ALDH1A2: variants seen among roughly 807,000 people sequenced by gnomAD.
ALDH1A2 encodes retinal dehydrogenase 2.
Under a neutral mutation model 60.3 loss-of-function variants are expected in ALDH1A2, and 27 were observed. The observed-to-expected ratio is 0.45, with a 90% CI of 0.33 to 0.62. The LOEUF (loss-of-function observed/expected upper bound fraction) is 0.62. Among genes scored for constraint, ALDH1A2 ranks in the 20% least tolerant of loss-of-function variants. The pLI, the probability that ALDH1A2 is intolerant of heterozygous loss-of-function variation, is 0.02. For missense variants in ALDH1A2, 581 were observed against 643.8 expected, an observed-to-expected ratio of 0.90 and a Z score of 1.06; for synonymous variants, 289 against 232.4, an observed-to-expected ratio of 1.24 and a Z score of -2.21.
chr15:57,978,535 G>A (rs118111613), intron 7 of ALDH1A2, among the ~76,000 whole-genome samples: 16 of 152,188 alleles, frequency 1.1e-4, no homozygotes, highest in Admixed American at 6.5e-4. Flanking sequence ...GGATAAAGCC[G>A]ACTGGATTGT....
At chr15:58,025,170 A>T (rs1000265728) in intron 1 of ALDH1A2, among the ~76,000 whole-genome samples, 3 of 152,144 alleles carry the variant, frequency 2.0e-5, no homozygotes, top group Admixed American at 2.0e-4. Flanking sequence ...AGCAGAAGAA[A>T]ATAAATAATA....
intron 11 of ALDH1A2, 23 bp downstream of exon 11, chr15:57,961,114 T>TACAAG: frequency 6.2e-7 from 1 of 1,613,484 alleles, no homozygotes; most frequent in Non-Finnish European, 8.5e-7. Context: ...TGGAATTTGT[T>TACAAG]ACAAGACTGA....
chr15:58,022,250 C>A (rs1408246259), intron 1 of ALDH1A2, among the ~76,000 whole-genome samples: 1 of 152,124 alleles, frequency 6.6e-6, no homozygotes, highest in East Asian at 1.9e-4. Flanking sequence ...ATTGCCCAAC[C>A]CAATCTACCA....
chr15:58,026,623 G>A (rs1282000908), intron 1 of ALDH1A2, among the ~76,000 whole-genome samples: 12 of 152,166 alleles, frequency 7.9e-5, no homozygotes, highest in Admixed American at 7.2e-4. Context: ...GCCAAGGGAA[G>A]CCATGACAGA....
At chr15:58,050,005 T>C (rs991323766) in intron 1 of ALDH1A2, among the ~76,000 whole-genome samples, 4 of 152,042 alleles carry the variant, frequency 2.6e-5, no homozygotes, top group Non-Finnish European at 5.9e-5. Context: ...AGTGTGGGTC[T>C]TGAGGGGGAA....
chr15:57,992,645 T>C, intron 7 of ALDH1A2, 60 bp downstream of exon 7: 1 of 1,494,552 alleles, frequency 6.7e-7, no homozygotes, highest in Non-Finnish European at 9.3e-7. Flanking sequence ...TTATTGTTTT[T>C]GTAACCCCTC....
At chr15:57,963,098 C>T (rs1288105754) in intron 9 of ALDH1A2, among the ~76,000 whole-genome samples, 1 of 152,152 alleles carries the variant, frequency 6.6e-6, no homozygotes, top group Non-Finnish European at 1.5e-5. Context: ...TACACTTTCA[C>T]AAGCTACAAG....
chr15:57,960,913 T>A, intron 11 of ALDH1A2, 69 bp from the exon 12 acceptor site: 1 of 1,453,798 alleles, frequency 6.9e-7, no homozygotes, highest in Non-Finnish European at 9.5e-7. Context: ...TGGCATGGTA[T>A]TTCTTTTAGA....
chr15:57,990,046 G>A, intron 7 of ALDH1A2, among the ~76,000 whole-genome samples: 1 of 150,136 alleles, frequency 6.7e-6, no homozygotes, highest in African/African-American at 2.5e-5. Context: ...GAAGCTGTCA[G>A]AAAAAGACTA....
intron 1 of ALDH1A2, among the ~76,000 whole-genome samples, chr15:58,022,127 T>G (rs1895944974): frequency 6.6e-6 from 1 of 152,112 alleles, no homozygotes; most frequent in Non-Finnish European, 1.5e-5. Context: ...GCCCTGCCCC[T>G]GCCCATCACA....
intron 7 of ALDH1A2, among the ~76,000 whole-genome samples, chr15:57,988,364 T>A (rs753655479): frequency 1.3e-5 from 2 of 152,048 alleles, no homozygotes; most frequent in Non-Finnish European, 2.9e-5. Context: ...AGTGGTAAAA[T>A]TATCTAACTC....
chr15:57,991,291 T>C (rs1894888218), intron 7 of ALDH1A2: 1 of 152,240 alleles, frequency 6.6e-6, no homozygotes, highest in Admixed American at 6.5e-5. Flanking sequence ...TAATTCCCTT[T>C]CATACTCACA....
At chr15:57,969,598 T>C (rs1213176460) in intron 7 of ALDH1A2, among the ~76,000 whole-genome samples, 1 of 152,164 alleles carries the variant, frequency 6.6e-6, no homozygotes, top group Non-Finnish European at 1.5e-5. Context: ...GCACACGTTT[T>C]CCAAGTGGTT....
At chr15:58,048,758 T>C (rs1457378169) in intron 1 of ALDH1A2, among the ~76,000 whole-genome samples, 5 of 152,208 alleles carry the variant, frequency 3.3e-5, no homozygotes, top group Non-Finnish European at 7.4e-5. Context: ...ATGACAGGTA[T>C]GACTAACACC....
chr15:58,009,392 C>A (rs1895557809), intron 4 of ALDH1A2, among the ~76,000 whole-genome samples: 1 of 151,982 alleles, frequency 6.6e-6, no homozygotes, highest in Admixed American at 6.6e-5. Flanking sequence ...CTATTCCCAG[C>A]CATCCACACT....
At chr15:57,995,878 C>G (rs1195933986) in intron 4 of ALDH1A2, among the ~76,000 whole-genome samples, 1 of 152,078 alleles carries the variant, frequency 6.6e-6, no homozygotes, top group African/African-American at 2.4e-5. Flanking sequence ...GAAGTCCAAA[C>G]CAAATTCATC....
intron 12 of ALDH1A2, among the ~76,000 whole-genome samples, chr15:57,957,152 C>G (rs1405846294): frequency 1.3e-5 from 2 of 152,162 alleles, no homozygotes; most frequent in African/African-American, 4.8e-5. Flanking sequence ...ATAAAGAGCA[C>G]TGAAGCTGGG....
chr15:58,037,246 A>G (rs1896398707), intron 1 of ALDH1A2, among the ~76,000 whole-genome samples: 1 of 151,744 alleles, frequency 6.6e-6, no homozygotes. Flanking sequence ...TAGAAAGAAG[A>G]CCTCAGAAAA....
intron 7 of ALDH1A2, among the ~76,000 whole-genome samples, chr15:57,978,967 T>C (rs761886453): frequency 3.3e-5 from 5 of 151,934 alleles, no homozygotes; most frequent in Non-Finnish European, 4.4e-5. Flanking sequence ...GCTCAGGAGG[T>C]GGAGGTGCAG....
Sources: gnomAD v4.1 joint callset for allele counts (sites outside exome capture counted in the v4.1 genomes callset) on GRCh38, gnomAD v4.1.1 for gene constraint, MANE v1.5 for transcripts, NCBI Gene and HGNC (gene_info 2026-07-23, HGNC 2026-07-21) for gene names.